Variants in PTER observed in about 807,000 individuals in gnomAD.
PTER encodes the protein phosphotriesterase related, also known as N-acetyltaurine hydrolase.
A neutral mutation model predicts 29.6 loss-of-function variants in PTER; 38 were observed. The ratio of observed to expected loss-of-function variants is 1.28; its 90% CI spans 0.99 to 1.68. PTER has a LOEUF of 1.68. PTER is among the 40% of genes most tolerant of loss of function. The probability of loss-of-function intolerance (pLI) is 0.00; values close to 1 mark genes in which losing one functional copy is unlikely to be tolerated. For synonymous variants in PTER, 172 were observed against 154.5 expected (o/e 1.11, Z -0.84); for missense variants, 482 against 427.8 (o/e 1.13, Z -1.12).
chr10:16,458,788 C>G (rs1174446951), intron 1 of PTER, among the ~76,000 whole-genome samples: 2 of 152,124 alleles, frequency 1.3e-5, no homozygotes, highest in African/African-American at 2.4e-5. Flanking sequence ...TCTAAAGCAA[C>G]CAAAAACAGT....
intron 3 of PTER, among the ~76,000 whole-genome samples, chr10:16,496,135 G>A (rs1210111627): frequency 6.6e-6 from 1 of 152,126 alleles, no homozygotes; most frequent in Non-Finnish European, 1.5e-5. Flanking sequence ...CACTCCTCTG[G>A]TGTTCTCTGA....
intron 3 of PTER, among the ~76,000 whole-genome samples, chr10:16,498,918 C>T (rs995882901): frequency 2.6e-5 from 4 of 152,178 alleles, no homozygotes; most frequent in African/African-American, 7.2e-5. Context: ...TAGACGTTCA[C>T]GGCGCAAGGT....
intron 3 of PTER, among the ~76,000 whole-genome samples, chr10:16,503,248 A>G (rs1836432883): frequency 6.6e-6 from 1 of 150,522 alleles, no homozygotes; most frequent in African/African-American, 2.4e-5. Flanking sequence ...GTTTTTTGAG[A>G]TGGAGTCTTG....
intron 1 of PTER, among the ~76,000 whole-genome samples, chr10:16,467,486 T>C (rs1211640304): frequency 2.0e-5 from 3 of 152,186 alleles, no homozygotes; most frequent in Non-Finnish European, 4.4e-5. Context: ...TATGTATTCC[T>C]ATGTAGTTGG....
intron 1 of PTER, among the ~76,000 whole-genome samples, chr10:16,467,535 G>T (rs1834881467): frequency 1.3e-5 from 2 of 152,146 alleles, no homozygotes; most frequent in South Asian, 4.1e-4. Context: ...TTTGCTGCCG[G>T]GCTCAGTGAC....
At chr10:16,455,443 C>G (rs1483956725) in intron 1 of PTER, among the ~76,000 whole-genome samples, 1 of 152,092 alleles carries the variant, frequency 6.6e-6, no homozygotes, top group Non-Finnish European at 1.5e-5. Context: ...ATAATCCTAA[C>G]ACTTTGGGAG....
In PTER at chr10:16,452,222, T is replaced by C. The variant is rs368616063; in HGVS notation, c.-49+15175T>C. Among the ~76,000 whole-genome samples, 954 of 61,330 alleles carry C rather than the reference T, an allele frequency of 0.016. 22 individuals carry two copies. In the East Asian group the frequency reaches 0.2, roughly 13 times the overall value. The allele number at this position is 61,330 out of a possible 152,430, so 40.2% of individuals were successfully genotyped here. ...ACACACACACACACACACACACACA[T>C]ATATATACATATACATATATATAAT... On this transcript the variant is annotated intron_variant, in intron 1 of 4. Transcript: ENST00000535784.
chr10:16,503,666 A>G (rs1268888605), intron 3 of PTER, among the ~76,000 whole-genome samples: 1 of 151,930 alleles, frequency 6.6e-6, no homozygotes, highest in African/African-American at 2.4e-5. Flanking sequence ...TCAGCCTCCC[A>G]AAGTGCTGGG....
At chr10:16,476,264 A>C (rs1182278982) in intron 1 of PTER, 4 of 152,040 alleles carry the variant, frequency 2.6e-5, no homozygotes, top group Non-Finnish European at 5.9e-5. Context: ...TTGTATTTTT[A>C]GTAGACAGGG....
intron 1 of PTER, among the ~76,000 whole-genome samples, chr10:16,441,830 C>T (rs1833860288): frequency 6.6e-6 from 1 of 152,046 alleles, no homozygotes; most frequent in African/African-American, 2.4e-5. Flanking sequence ...TCTCTGTTTT[C>T]ACAGGTTGTG....
intron 4 of PTER, among the ~76,000 whole-genome samples, chr10:16,510,703 A>G (rs554370078): frequency 6.6e-6 from 1 of 152,330 alleles, no homozygotes; most frequent in Admixed American, 6.5e-5. Context: ...GCTGAATACA[A>G]ATCCAGAACA....
downstream of PTER, chr10:16,514,729 T>G: frequency 6.4e-7 from 1 of 1,573,128 alleles, no homozygotes; most frequent in East Asian, 2.2e-5. Context: ...AGACAAGAAT[T>G]AGGATGCGTA....
intron 1 of PTER, among the ~76,000 whole-genome samples, chr10:16,464,093 GAA>G (rs1834722682): frequency 6.6e-6 from 1 of 152,216 alleles, no homozygotes. Flanking sequence ...GCTCTTCAGA[GAA>G]ACACACAGCA....
chr10:16,482,316 C>A (rs1246980409), intron 1 of PTER, among the ~76,000 whole-genome samples: 1 of 152,156 alleles, frequency 6.6e-6, no homozygotes, highest in Non-Finnish European at 1.5e-5. Flanking sequence ...GTGTACTATA[C>A]CCTTCACAAA....
At chr10:16,494,371 T>G (rs2133473807) in intron 3 of PTER, among the ~76,000 whole-genome samples, 1 of 152,308 alleles carries the variant, frequency 6.6e-6, no homozygotes, top group East Asian at 1.9e-4. Flanking sequence ...GTGACGTCAC[T>G]CCTTCCTTAT....
intron 3 of PTER, 55 bp downstream of exon 3, chr10:16,486,672 C>A: frequency 1.3e-6 from 2 of 1,531,066 alleles, no homozygotes; most frequent in South Asian, 2.5e-5. Flanking sequence ...AATGCATGAT[C>A]AAATTAAGAA....
intron 1 of PTER, among the ~76,000 whole-genome samples, chr10:16,471,479 G>T (rs546225687): frequency 6.6e-6 from 1 of 152,074 alleles, no homozygotes; most frequent in Non-Finnish European, 1.5e-5. Flanking sequence ...AAAAATGGTC[G>T]ATCTTCACTC....
chr10:16,502,096 A>T (rs904458450), intron 3 of PTER, among the ~76,000 whole-genome samples: 1 of 152,192 alleles, frequency 6.6e-6, no homozygotes, highest in Non-Finnish European at 1.5e-5. Context: ...AAAATTTAGG[A>T]AAGTTATTCT....
At chr10:16,509,347 A>C (rs1227203238) in intron 4 of PTER, among the ~76,000 whole-genome samples, 3 of 152,174 alleles carry the variant, frequency 2.0e-5, no homozygotes, top group Non-Finnish European at 4.4e-5. Context: ...CCCGGTTTTA[A>C]GTATGAGTAT....
Sources: gnomAD v4.1 joint callset for allele counts (sites outside exome capture counted in the v4.1 genomes callset) on GRCh38, gnomAD v4.1.1 for gene constraint, MANE v1.5 for transcripts, NCBI Gene and HGNC (gene_info 2026-07-23, HGNC 2026-07-21) for gene names.